The following PTBP3 variants were observed in gnomAD, a reference collection of about 807,000 sequenced individuals.
PTBP3 encodes the protein polypyrimidine tract-binding protein 3.
PTBP3 carries 20 observed loss-of-function variants against 58.7 expected under a neutral mutation model. The ratio of observed to expected loss-of-function variants is 0.34; its 90% CI spans 0.24 to 0.50. The LOEUF (loss-of-function observed/expected upper bound fraction) is 0.50, where lower values mean the gene tolerates loss of function less well. Among genes scored for constraint, PTBP3 ranks in the 20% least tolerant of loss-of-function variants. PTBP3 has a pLI of 0.98. For missense variants in PTBP3, 509 were observed against 637.2 expected (o/e 0.80, Z 2.17); for synonymous variants, 185 against 219.8 (o/e 0.84, Z 1.40).
intron 7 of PTBP3, among the ~76,000 whole-genome samples, chr9:112,244,263 C>G (rs1386202751): frequency 2.3e-5 from 2 of 88,752 alleles, no homozygotes; most frequent in Non-Finnish European, 4.3e-5. Flanking sequence ...GCACTCCAGC[C>G]TGGGCAACAG....
At chr9:112,296,196 G>A (rs1236858028) in intron 2 of PTBP3, among the ~76,000 whole-genome samples, 4 of 152,112 alleles carry the variant, frequency 2.6e-5, no homozygotes, top group African/African-American at 9.7e-5. Flanking sequence ...TAAGCTAAGA[G>A]AATTTTTTAA....
rs1564393103 is a variant in PTBP3 at position 112,233,275 on chromosome 9, GT to G, written c.881-1038del. Among the ~76,000 whole-genome samples the G allele has an allele frequency of 3.8e-3, 19 of 4,976 alleles. No individual in the cohort carries two copies. The South Asian group carries it at 0.048, about 12-fold the overall frequency. The allele number at this position is 4,976 out of a possible 152,430, so 3.3% of individuals were successfully genotyped here. ...GCACAGTTGAGCTACACTGTAGGGT[GT>G]GTGTGTGTGTGTGTGTGTGTGTGTG... is the stretch of plus-strand genomic sequence containing the variant. On this transcript the variant is annotated intron_variant, in intron 8 of 13. Transcript: ENST00000374257.
At chr9:112,312,141 C>T (rs1829506589) in intron 1 of PTBP3, among the ~76,000 whole-genome samples, 1 of 151,978 alleles carries the variant, frequency 6.6e-6, no homozygotes, top group South Asian at 2.1e-4. Context: ...AAGCATCTTC[C>T]AACAAATCAT....
intron 2 of PTBP3, among the ~76,000 whole-genome samples, chr9:112,296,666 G>A (rs541421680): frequency 7.7e-4 from 117 of 152,216 alleles, no homozygotes; most frequent in Non-Finnish European, 9.7e-4. Flanking sequence ...TTGAGACCAG[G>A]GACCCACTGC....
chr9:112,378,584 G>T, the PTBP3 span, among the ~76,000 whole-genome samples: 2 of 152,206 alleles, frequency 1.3e-5, no homozygotes, highest in African/African-American at 2.4e-5. Flanking sequence ...GCTTCAGCAA[G>T]TGCTCCTAAG....
In PTBP3 at chr9:112,223,698, A is replaced by C. The variant is rs1219565979; in HGVS notation, c.*153T>G. 3.4e-5 allele frequency: 47 copies of C among 1,365,546 alleles called. No individual in the cohort carries two copies. Among genetic ancestry groups the C allele is most frequent in the Non-Finnish European group, 4.2e-5 (45 of 1,061,634 alleles). The allele number at this position is 1,365,546 out of a possible 1,614,324, so 84.6% of individuals were successfully genotyped here. A position where few individuals can be genotyped will look rare whatever the true frequency, so the allele number is the denominator to read the frequency against. ...GGCGGGGGCAGGGGGAATACAAAAAAAAAAAATCCCTTGATTTTTAAAATA... is the reference window on the plus strand; with the variant it reads ...GGCGGGGGCAGGGGGAATACAAAAACAAAAAATCCCTTGATTTTTAAAATA... On this transcript the variant is annotated 3_prime_UTR_variant, in exon 14 of 14. Coordinates refer to ENST00000374257, the MANE Select transcript of PTBP3 (RefSeq NM_001163788.4).
chr9:112,376,378 C>T, the PTBP3 span, among the ~76,000 whole-genome samples: 37,533 of 149,474 alleles, frequency 0.25, 5,344 homozygotes, highest in African/African-American at 0.36. Flanking sequence ...CTTAGCCTCC[C>T]GAGTAGCTGG....
At chr9:112,299,552 A>G (rs950223254) in intron 1 of PTBP3, among the ~76,000 whole-genome samples, 3 of 152,252 alleles carry the variant, frequency 2.0e-5, no homozygotes, top group Non-Finnish European at 4.4e-5. Flanking sequence ...AAAACCCAAG[A>G]TAACAGAAAA....
Position 112,297,843 on chromosome 9 carries a change from G to A in PTBP3, c.23C>T (p.Thr8Ile), listed in dbSNP as rs1299801669. ...AAAAAAAAACTCACCATACACACCT[G>A]TAGAAGGAGTAGAACTATTCATGGT... MNSSTPS[T>I]GVYANGNDSK... The change falls in exon 2 of 14, where the codon ACA becomes ATA. Residue 8 changes from threonine (T) to isoleucine (I), a missense_variant. Transcript: ENST00000374257. 4 of 1,596,002 alleles carry A rather than the reference G, an allele frequency of 2.5e-6. No homozygotes were observed. The highest frequency in any genetic ancestry group is 1.7e-4 in the Middle Eastern group (1 of 5,922).
chr9:112,321,556 T>C (rs1829953727), intron 1 of PTBP3, among the ~76,000 whole-genome samples: 1 of 144,064 alleles, frequency 6.9e-6, no homozygotes, highest in South Asian at 2.2e-4. Flanking sequence ...AGAAAGAAAA[T>C]CACCTAACAA....
At chr9:112,364,492 T>A in the PTBP3 span, among the ~76,000 whole-genome samples, 2 of 152,114 alleles carry the variant, frequency 1.3e-5, no homozygotes, top group South Asian at 4.2e-4. Context: ...ACCCTGTCTT[T>A]ACAAAAACTA....
intron 2 of PTBP3, among the ~76,000 whole-genome samples, chr9:112,297,007 A>G (rs1828717329): frequency 1.3e-5 from 2 of 151,960 alleles, no homozygotes; most frequent in Non-Finnish European, 2.9e-5. Context: ...AATAAAGGAT[A>G]ATAATAATAA....
At position 112,228,455 on chromosome 9, in the gene PTBP3, G is replaced by T; in HGVS notation, c.1072C>A (p.His358Asn). The T allele has an allele frequency of 6.2e-7, 1 of 1,603,608 alleles. No homozygotes were observed. The highest frequency in any genetic ancestry group is 1.1e-5 in the South Asian group (1 of 88,818). The change falls in exon 11 of 14, where the codon CAT becomes AAT. Residue 358 changes from histidine (H) to asparagine (N), a missense_variant. Around this residue, in one of 4 missense-constraint regions of PTBP3, gnomAD observed 135 missense variants for 229.0 expected, o/e 0.59. Coordinates refer to ENST00000374257, the MANE Select transcript of PTBP3 (RefSeq NM_001163788.4). ...FILFGVYGDV[H>N]RVKIMFNKKE... ...TTATTAAACATAATCTTCACTCGAT[G>T]TACATCACCATAGACTCCTAATTAA...
At chr9:112,302,285 A>G (rs956850125) in intron 1 of PTBP3, among the ~76,000 whole-genome samples, 21 of 152,232 alleles carry the variant, frequency 1.4e-4, no homozygotes, top group Non-Finnish European at 2.9e-5. Context: ...AAATCTACCA[A>G]AAGAGTTAAA....
At chr9:112,360,416 G>A in the PTBP3 span, among the ~76,000 whole-genome samples, 2 of 152,066 alleles carry the variant, frequency 1.3e-5, no homozygotes, top group African/African-American at 4.8e-5. Flanking sequence ...ATACTCCTGG[G>A]CTCAAGTGAT....
At chr9:112,293,688 A>G (rs770197118) in intron 2 of PTBP3, among the ~76,000 whole-genome samples, 4 of 152,208 alleles carry the variant, frequency 2.6e-5, no homozygotes, top group African/African-American at 4.8e-5. Flanking sequence ...CCACTTCTCA[A>G]CTCTCACCCT....
At chr9:112,255,328 T>C (rs943336520) in intron 5 of PTBP3, among the ~76,000 whole-genome samples, 6 of 152,204 alleles carry the variant, frequency 3.9e-5, no homozygotes, top group African/African-American at 7.2e-5. Context: ...ATACTTAATG[T>C]CACTGAACTA....
At chr9:112,316,358 A>G (rs1223371800) in intron 1 of PTBP3, among the ~76,000 whole-genome samples, 1 of 152,228 alleles carries the variant, frequency 6.6e-6, no homozygotes, top group Non-Finnish European at 1.5e-5. Flanking sequence ...TTACATATTT[A>G]TAAGAAGCAA....
rs1835381386 is a variant in PTBP3 at position 112,234,870 on chromosome 9, T to C, written c.830A>G (p.Tyr277Cys). Reference protein sequence around the residue: ...FGAPGIISSPYAGAAGFAPAI... With the variant: ...FGAPGIISSPCAGAAGFAPAI... Reference sequence around the variant, plus strand: ...TGGGGCAAATCCAGCAGCCCCTGCATATGGTGAAGAAATTATACCCGGTGC... The same window carrying C: ...TGGGGCAAATCCAGCAGCCCCTGCACATGGTGAAGAAATTATACCCGGTGC... The change falls in exon 8 of 14, where the codon TAT becomes TGT. Residue 277 changes from tyrosine to cysteine, a missense_variant. Transcript: ENST00000374257. The C allele has an allele frequency of 1.9e-6, 3 of 1,612,848 alleles. No individual in the cohort carries two copies. The East Asian group carries it at 6.7e-5, about 36-fold the overall frequency.
Sources: gnomAD v4.1 joint callset for allele counts (sites outside exome capture counted in the v4.1 genomes callset) on GRCh38, gnomAD v4.1.1 for gene constraint, gnomAD v4.1.1 regional missense constraint, MANE v1.5 for transcripts, NCBI Gene and HGNC (gene_info 2026-07-23, HGNC 2026-07-21) for gene names.